TRIM22: variants seen among roughly 807,000 people sequenced by gnomAD.
TRIM22 encodes E3 ubiquitin-protein ligase TRIM22.
In TRIM22, 45 loss-of-function variants were observed where a neutral mutation model predicts 53.6. That is an observed-to-expected ratio of 0.84 (90% CI 0.66 to 1.08). The LOEUF (loss-of-function observed/expected upper bound fraction) is 1.08, where lower values mean the gene tolerates loss of function less well. TRIM22 is among the 50% of genes least tolerant of loss of function. The pLI, the probability that TRIM22 is intolerant of heterozygous loss-of-function variation, is 0.00. For missense variants in TRIM22, 616 were observed against 590.9 expected, an observed-to-expected ratio of 1.04 and a Z score of -0.44; for synonymous variants, 225 against 216.6, an observed-to-expected ratio of 1.04 and a Z score of -0.34.
chr11:5,709,691 G>T lies in TRIM22; in HGVS notation c.*43G>T. 2 of 1,532,452 alleles carry T rather than the reference G, an allele frequency of 1.3e-6. No individual in the cohort carries two copies. Among genetic ancestry groups the T allele is most frequent in the African/African-American group, 2.7e-5 (2 of 73,218 alleles). The allele number at this position is 1,532,452 out of a possible 1,614,324, so 94.9% of individuals were successfully genotyped here. On this transcript the variant is annotated 3_prime_UTR_variant, in exon 8 of 8. Coordinates refer to ENST00000379965, the MANE Select transcript of TRIM22 (RefSeq NM_006074.5). The stretch of plus-strand genomic sequence containing the variant: ...CCCACTTCTGCATAGTAGCCCTTGT[G>T]CTGAGACTCAGATTCTGCACCTGAG...
intron 4 of TRIM22, among the ~76,000 whole-genome samples, chr11:5,700,425 A>G (rs903113192): frequency 6.6e-6 from 1 of 151,898 alleles, no homozygotes; most frequent in Non-Finnish European, 1.5e-5. Context: ...AGCAGTTTGT[A>G]TAGTTTTTAT....
In TRIM22 at chr11:5,696,385, A is replaced by AG. The variant is rs752466807; in HGVS notation, c.157dup (p.Glu53GlyfsTer19). The AG allele has an allele frequency of 6.2e-7, 1 of 1,614,188 alleles. No individual in the cohort carries two copies. The highest frequency in any genetic ancestry group is 2.2e-5 in the East Asian group (1 of 44,876). The stretch of plus-strand genomic sequence containing the variant: ...TCAAGGAGTCAGTGATCATCTCAAG[A>AG]GGGGAAAGCAGCTGTCCTGTGTGTC... On this transcript the variant is annotated frameshift_variant, in exon 2 of 8. Transcript: ENST00000379965. LOFTEE classifies it high-confidence loss of function.
rs938735229 is a variant in TRIM22, at chr11:5,708,214, A to C, written c.815A>C (p.Lys272Thr). The change falls in exon 6 of 8, where the codon AAG becomes ACG. Residue 272 changes from lysine to threonine, a missense_variant. By Grantham distance (78) the Lys-to-Thr change is moderately conservative. Transcript: ENST00000379965. ...TTGAAGAAGCCAAAATCTGTTTCCA[A>C]GAAACTAAAGAGTGTATTCCGAGTA... is the stretch of plus-strand genomic sequence containing the variant. ...WTLKKPKSVS[K>T]KLKSVFRVPD... 1.2e-6 allele frequency: 2 copies of C among 1,614,116 alleles called. No homozygotes were observed. The highest frequency in any genetic ancestry group is 2.7e-5 in the African/African-American group (2 of 74,944).
In TRIM22 at chr11:5,709,872, T is replaced by C. The variant is rs1853531380; in HGVS notation, c.*224T>C. The C allele has an allele frequency of 1.9e-6, 1 of 523,414 alleles. No individual in the cohort carries two copies. The highest frequency in any genetic ancestry group is 3.4e-6 in the Non-Finnish European group (1 of 296,734). 32.4% of individuals were successfully genotyped at this position (523,414 alleles called of 1,614,324 possible). ...TACTGTGGGCTGGAAATCCCAAATCTAGATTCCAGCAGAGTTGGTTCTTTC... is the reference window on the plus strand; with the variant it reads ...TACTGTGGGCTGGAAATCCCAAATCCAGATTCCAGCAGAGTTGGTTCTTTC... On this transcript the variant is annotated 3_prime_UTR_variant, in exon 8 of 8. Transcript: ENST00000379965.
intron 3 of TRIM22, 24 bp from the exon 4 acceptor site, chr11:5,698,291 C>T: frequency 6.2e-7 from 1 of 1,600,710 alleles, no homozygotes; most frequent in Non-Finnish European, 8.6e-7. Flanking sequence ...AGACTGACTG[C>T]CTCTTTCTCT....
At chr11:5,708,918 T>C in intron 7 of TRIM22, 135 bp from the exon 8 acceptor site, 1 of 716,102 alleles carries the variant, frequency 1.4e-6, no homozygotes, top group South Asian at 1.9e-5. Context: ...TTCTTAAGGG[T>C]CCTACTAACC....
chr11:5,702,235 ATAT>A (rs778628899), intron 4 of TRIM22, among the ~76,000 whole-genome samples: 5 of 144,950 alleles, frequency 3.4e-5, no homozygotes, highest in Admixed American at 7.0e-5. Context: ...TAACTAATAT[ATAT>A]TATATTATAT....
At chr11:5,702,086 ATTAG>A (rs200856329) in intron 4 of TRIM22, among the ~76,000 whole-genome samples, 13,597 of 146,948 alleles carry the variant, frequency 0.093, 677 homozygotes, top group Middle Eastern at 0.15. Flanking sequence ...ATATAGCTAT[ATTAG>A]TTATATATAA....
Position 5,698,066 on chromosome 11 carries a change from C to G in TRIM22, c.520-249C>G, listed in dbSNP as rs1321602725. On this transcript the variant is annotated intron_variant, in intron 3 of 7. Transcript: ENST00000379965. Reference sequence around the variant, plus strand: ...CAGGACAGGTGTCTACAATCCAAGCCTCACCCAGGCATCACATTTTGTCTC... The same window carrying G: ...CAGGACAGGTGTCTACAATCCAAGCGTCACCCAGGCATCACATTTTGTCTC... The G allele has an allele frequency of 1.1e-5, 5 of 435,096 alleles. No homozygotes were observed. In the East Asian group the frequency reaches 1.8e-4, roughly 16 times the overall value. 27.0% of individuals were successfully genotyped at this position (435,096 alleles called of 1,614,324 possible). A position where few individuals can be genotyped will look rare whatever the true frequency, so the allele number is the denominator to read the frequency against.
In TRIM22 at chr11:5,709,544, C is replaced by T; in HGVS notation, c.1393C>T (p.Leu465Phe). 1 of 1,614,142 alleles carries T rather than the reference C, an allele frequency of 6.2e-7. No homozygotes were observed. The highest frequency in any genetic ancestry group is 8.5e-7 in the Non-Finnish European group (1 of 1,180,028). ...SFFNVTNHGA[L>F]IYKFSGCRFS... Reference sequence around the variant, plus strand: ...TTTCAATGTCACAAACCACGGAGCACTCATCTACAAGTTCTCTGGATGTCG... The same window carrying T: ...TTTCAATGTCACAAACCACGGAGCATTCATCTACAAGTTCTCTGGATGTCG... Residue 465 changes from leucine (L) to phenylalanine (F), a missense_variant, in exon 8 of 8, where the codon CTC becomes TTC. Transcript: ENST00000379965.
rs61735328 is a variant in TRIM22 at position 5,709,515 on chromosome 11, C to A, written c.1364C>A (p.Ser455Ter). ...VFLDYEAGIV[S>*]FFNVTNHGAL... ...CTAGACTATGAGGCAGGCATTGTCT[C>A]ATTTTTCAATGTCACAAACCACGGA... Residue 455 changes from serine (S) to a stop codon, truncating the protein, a stop_gained, in exon 8 of 8, where the codon TCA (serine) becomes TAA (stop). Coordinates refer to ENST00000379965, the MANE Select transcript of TRIM22 (RefSeq NM_006074.5). LOFTEE classifies it high-confidence loss of function. The A allele has an allele frequency of 3.0e-4, 488 of 1,614,172 alleles. 2 individuals carry two copies. The African/African-American group carries it at 5.9e-3, about 19-fold the overall frequency.
In TRIM22 at chr11:5,699,364, A is replaced by G. The variant is rs1056149776; in HGVS notation, c.750+819A>G. On this transcript the variant is annotated intron_variant, in intron 4 of 7. Transcript: ENST00000379965. ...AAGGTGAAACCCCGTCTCTACTAAA[A>G]ATACAAAAAATTAGCCGGGCGCGGT... Among the ~76,000 whole-genome samples, 50 of 142,344 alleles carry G rather than the reference A, an allele frequency of 3.5e-4. 3 individuals carry two copies. Among genetic ancestry groups the G allele is most frequent in the Non-Finnish European group, 6.4e-4 (43 of 66,692 alleles). The allele number at this position is 142,344 out of a possible 152,430, so 93.4% of individuals were successfully genotyped here. A position where few individuals can be genotyped will look rare whatever the true frequency, so the allele number is the denominator to read the frequency against.
At chr11:5,707,293 C>T (rs367733815) in intron 5 of TRIM22, among the ~76,000 whole-genome samples, 204 of 152,228 alleles carry the variant, frequency 1.3e-3, no homozygotes, top group African/African-American at 4.7e-3. Context: ...ACATTATTCT[C>T]TAGGTCTCAT....
rs1853280621 is a variant in TRIM22 at position 5,697,268 on chromosome 11, G to T, written c.444G>T (p.Leu148=). Residue 148 remains leucine, a synonymous_variant, in exon 3 of 8, where the codon CTG becomes CTT. Transcript: ENST00000379965. ...KECQEKLQVA[L]QRLIKEDQEA... is the part of the protein sequence containing the mutation. ...TACAGGAAAAGCTGCAGGTAGCCCT[G>T]CAGAGGCTGATAAAGGAGGATCAAG... The T allele has an allele frequency of 6.2e-7, 1 of 1,612,906 alleles. No individual in the cohort carries two copies. The highest frequency in any genetic ancestry group is 1.3e-5 in the African/African-American group (1 of 74,886).
chr11:5,708,795 C>T (rs1321174613), intron 7 of TRIM22, among the ~76,000 whole-genome samples, 192 bp downstream of exon 7: 1 of 151,294 alleles, frequency 6.6e-6, no homozygotes, highest in Non-Finnish European at 1.5e-5. Context: ...CGGCTCACTG[C>T]AACCTCTGCC....
intron 4 of TRIM22, among the ~76,000 whole-genome samples, chr11:5,700,114 GTT>G (rs200037025): frequency 7.1e-6 from 1 of 141,030 alleles, no homozygotes; most frequent in Non-Finnish European, 1.6e-5. Flanking sequence ...AGTTTGTATG[GTT>G]TTTTTTTTTT....
At chr11:5,706,500 A>G (rs1853457920) in intron 4 of TRIM22, 94 bp from the exon 5 acceptor site, 11 of 1,145,148 alleles carry the variant, frequency 9.6e-6, no homozygotes, top group Non-Finnish European at 1.1e-5. Context: ...AACAAAAAAT[A>G]TATTGTTTAT....
chr11:5,706,185 C>A (rs71490149), intron 4 of TRIM22, among the ~76,000 whole-genome samples: 90 of 152,206 alleles, frequency 5.9e-4, no homozygotes, highest in Non-Finnish European at 1.1e-3. Context: ...AAAATATATT[C>A]CTTCTTGAGA....
At chr11:5,707,651 A>C (rs755541524) in intron 5 of TRIM22, among the ~76,000 whole-genome samples, 13 of 152,114 alleles carry the variant, frequency 8.5e-5, no homozygotes, top group Middle Eastern at 3.2e-3. Context: ...CTCTACTAAA[A>C]GTACAAAAAA....
Sources: allele counts gnomAD v4.1 joint callset (sites outside exome capture counted in the v4.1 genomes callset), GRCh38; gene constraint gnomAD v4.1.1; transcripts MANE v1.5; gene names NCBI Gene and HGNC (gene_info 2026-07-23, HGNC 2026-07-21).